RAB36: variants seen among roughly 807,000 people sequenced by gnomAD.
The protein encoded by RAB36 is ras-related protein Rab-36.
RAB36 carries 33 observed loss-of-function variants against 39.3 expected under a neutral mutation model. The ratio of observed to expected loss-of-function variants is 0.84; its 90% CI spans 0.64 to 1.12. RAB36 has a LOEUF of 1.12. Ranked by LOEUF, RAB36 falls within the 50% of genes most tolerant of loss-of-function variation. The pLI is 0.00. For missense variants in RAB36, 308 were observed against 355.3 expected (o/e 0.87, Z 1.07); for synonymous variants, 133 against 140.2 (o/e 0.95, Z 0.36).
intron 2 of RAB36, 54 bp from the exon 3 acceptor site, chr22:23,150,009 G>C: frequency 7.1e-7 from 1 of 1,400,044 alleles, no homozygotes; most frequent in Non-Finnish European, 1.0e-6. Context: ...TTGGCTACGA[G>C]GGCGGAGCCA....
At chr22:23,150,183 G>T in intron 3 of RAB36, 29 bp downstream of exon 3, 1 of 1,555,088 alleles carries the variant, frequency 6.4e-7, no homozygotes, top group Non-Finnish European at 8.8e-7. Flanking sequence ...GGATGGGGGA[G>T]CAGGTGGCAA....
intron 1 of RAB36, among the ~76,000 whole-genome samples, chr22:23,145,783 G>T (rs952640919): frequency 2.0e-5 from 3 of 152,254 alleles, no homozygotes; most frequent in African/African-American, 7.2e-5. Context: ...ACCGGACTCC[G>T]CCAGGACCAC....
At chr22:23,153,844 C>A (rs562778511) in intron 5 of RAB36, among the ~76,000 whole-genome samples, 2 of 151,804 alleles carry the variant, frequency 1.3e-5, no homozygotes, top group East Asian at 3.9e-4. Flanking sequence ...GCCCCCACAC[C>A]CAGCTAATTT....
chr22:23,145,442 C>T (rs537591770), upstream of RAB36: 4 of 1,610,820 alleles, frequency 2.5e-6, no homozygotes, highest in African/African-American at 1.3e-5. Context: ...ACGACGTCGA[C>T]GATTCGTGTA....
In RAB36 at chr22:23,161,576, G is replaced by A. The variant is rs201548775; in HGVS notation, c.*12G>A. On this transcript the variant is annotated 3_prime_UTR_variant, in exon 11 of 11. Coordinates refer to ENST00000263116, the MANE Select transcript of RAB36 (RefSeq NM_004914.5). ...TGGGCTGCTGCTAACTGGGGCCTGC[G>A]TGGAAGGCCTCCGCTCCCTGCACAC... The A allele has an allele frequency of 6.5e-5, 104 of 1,595,676 alleles. No individual in the cohort carries two copies. In the South Asian group the frequency reaches 9.5e-4, roughly 15 times the overall value.
At chr22:23,166,094 C>T (rs1266177280), downstream of RAB36, among the ~76,000 whole-genome samples, 10 of 134,660 alleles carry the variant, frequency 7.4e-5, no homozygotes, top group Admixed American at 8.7e-5. Context: ...TGCAGTGAGC[C>T]GAGATCTTGC....
rs532340878 is a variant in RAB36 at position 23,153,242 on chromosome 22, C to A, written c.329+108C>A. ...CCATGTCAAGGAGGACTAGTCTAGA[C>A]AAGCAGAGCCTGGGGGTGTTGTGTG... On this transcript the variant is annotated intron_variant, in intron 5 of 10. Transcript: ENST00000263116. 34 of 834,508 alleles carry A rather than the reference C, an allele frequency of 4.1e-5. 1 individual carries two copies. The highest frequency in any genetic ancestry group is 4.0e-4 in the South Asian group (27 of 67,104). The allele number at this position is 834,508 out of a possible 1,614,324, so 51.7% of individuals were successfully genotyped here.
intron 8 of RAB36, 47 bp downstream of exon 8, chr22:23,159,026 C>A: frequency 6.3e-7 from 1 of 1,599,392 alleles, no homozygotes; most frequent in Non-Finnish European, 8.6e-7. Context: ...GGGAAAATGC[C>A]TCCCCTTACA....
chr22:23,147,271 A>C (rs996284147), intron 2 of RAB36, among the ~76,000 whole-genome samples: 1 of 152,190 alleles, frequency 6.6e-6, no homozygotes, highest in African/African-American at 2.4e-5. Flanking sequence ...CATAGGGGGC[A>C]GTGGACAATA....
chr22:23,153,347 G>C (rs907869720), intron 5 of RAB36, among the ~76,000 whole-genome samples: 1 of 152,056 alleles, frequency 6.6e-6, no homozygotes, highest in Admixed American at 6.6e-5. Context: ...TTGGCTCTGG[G>C]GAAGGTGCTC....
At chr22:23,159,932 G>A (rs1454167088) in intron 9 of RAB36, among the ~76,000 whole-genome samples, 1 of 152,348 alleles carries the variant, frequency 6.6e-6, no homozygotes, top group Non-Finnish European at 1.5e-5. Flanking sequence ...GTGAAAAAAC[G>A]TTTTAAATTA....
intron 7 of RAB36, among the ~76,000 whole-genome samples, 173 bp from the exon 8 acceptor site, chr22:23,158,725 A>G (rs1288164985): frequency 6.6e-6 from 1 of 152,086 alleles, no homozygotes; most frequent in African/African-American, 2.4e-5. Flanking sequence ...GGTCCAGCCA[A>G]CGCCCTTCCG....
chr22:23,161,047 A>G (rs1336494570), intron 10 of RAB36, 49 bp downstream of exon 10: 1 of 1,552,466 alleles, frequency 6.4e-7, no homozygotes, highest in Non-Finnish European at 8.7e-7. Context: ...CTGGAGGCCT[A>G]AAATCCACAT....
chr22:23,156,078 G>T (rs929125978), intron 6 of RAB36, 46 bp downstream of exon 6: 4 of 1,537,936 alleles, frequency 2.6e-6, no homozygotes, highest in East Asian at 2.4e-5. Flanking sequence ...CAGCAGCGGG[G>T]TCCCTGCCGG....
At chr22:23,145,348 A>T (rs1279755037), upstream of RAB36, 1 of 1,584,682 alleles carries the variant, frequency 6.3e-7, no homozygotes, top group Non-Finnish European at 8.5e-7. Flanking sequence ...CCCAGACTCC[A>T]GGCAGGTTCT....
In RAB36 at chr22:23,162,822, C is replaced by T. The variant is rs1317697812; in HGVS notation, c.*1258C>T. ...GCTGCCCTGTAAATGTTCAGCTCAG[C>T]GATTGCCAAATACCAGTTAGGGAAG... On this transcript the variant is annotated 3_prime_UTR_variant, in exon 11 of 11. Coordinates refer to ENST00000263116, the MANE Select transcript of RAB36 (RefSeq NM_004914.5). 1 of 442,762 alleles carries T rather than the reference C, an allele frequency of 2.3e-6. No homozygotes were observed. The highest frequency in any genetic ancestry group is 4.6e-6 in the Non-Finnish European group (1 of 216,026). The allele number at this position is 442,762 out of a possible 1,614,324, so 27.4% of individuals were successfully genotyped here. A position where few individuals can be genotyped will look rare whatever the true frequency, so the allele number is the denominator to read the frequency against.
intron 5 of RAB36, chr22:23,153,532 A>G (rs2071282187): frequency 2.0e-6 from 2 of 980,954 alleles, no homozygotes; most frequent in Non-Finnish European, 2.4e-6. Flanking sequence ...CACCTGTAAA[A>G]TGGGGTCAAA....
chr22:23,151,080 T>C (rs2071092977), intron 3 of RAB36, among the ~76,000 whole-genome samples: 1 of 152,106 alleles, frequency 6.6e-6, no homozygotes, highest in African/African-American at 2.4e-5. Flanking sequence ...GCTCAGGGAG[T>C]TGGCTGAGCT....
At chr22:23,166,361 G>T (rs2072051801), downstream of RAB36, among the ~76,000 whole-genome samples, 1 of 147,504 alleles carries the variant, frequency 6.8e-6, no homozygotes, top group South Asian at 2.2e-4. Flanking sequence ...GGCCAATATG[G>T]GGGGGTGGGG....
Sources: gnomAD v4.1 joint callset for allele counts (sites outside exome capture counted in the v4.1 genomes callset) on GRCh38, gnomAD v4.1.1 for gene constraint, MANE v1.5 for transcripts, NCBI Gene and HGNC (gene_info 2026-07-23, HGNC 2026-07-21) for gene names.